Variants in PDK1 observed in about 807,000 individuals in gnomAD.
PDK1 encodes [Pyruvate dehydrogenase (acetyl-transferring)] kinase isozyme 1, mitochondrial.
PDK1 carries 39 observed loss-of-function variants against 54.2 expected under a neutral mutation model. The observed-to-expected ratio is 0.72, with a 90% CI of 0.56 to 0.94. The LOEUF is 0.94. PDK1 is among the 40% of genes least tolerant of loss of function. The pLI is 0.00. For synonymous variants in PDK1, 221 were observed against 207.1 expected (o/e 1.07, Z -0.58); for missense variants, 552 against 566.0 (o/e 0.98, Z 0.25).
intron 7 of PDK1, chr2:172,570,502 A>G (rs1689186407): frequency 7.7e-6 from 3 of 392,078 alleles, no homozygotes. Context: ...CTGACTTTGG[A>G]AAATAAGCAA....
chr2:172,666,251 G>A, the PDK1 span, among the ~76,000 whole-genome samples: 1 of 152,142 alleles, frequency 6.6e-6, no homozygotes, highest in Non-Finnish European at 1.5e-5. Flanking sequence ...TCAGTTGTAC[G>A]TTAAAAGGCT....
the PDK1 span, among the ~76,000 whole-genome samples, chr2:172,615,871 A>G: frequency 6.6e-6 from 1 of 152,242 alleles, no homozygotes; most frequent in Non-Finnish European, 1.5e-5. Context: ...TAGCAAGTCC[A>G]TATCCTAAGT....
chr2:172,609,671 C>CA (rs1362500630), downstream of PDK1, among the ~76,000 whole-genome samples: 2 of 152,192 alleles, frequency 1.3e-5, no homozygotes, highest in African/African-American at 4.8e-5. Flanking sequence ...CTTAAGTGTA[C>CA]ATCATCATTA....
chr2:172,617,244 C>T, the PDK1 span, among the ~76,000 whole-genome samples: 11 of 152,082 alleles, frequency 7.2e-5, no homozygotes, highest in African/African-American at 2.2e-4. Context: ...TGAGCCACCA[C>T]GCCTGGCCAG....
the PDK1 span, among the ~76,000 whole-genome samples, chr2:172,690,768 G>T: frequency 6.8e-6 from 1 of 147,400 alleles, no homozygotes; most frequent in Non-Finnish European, 1.5e-5. Flanking sequence ...ACCAAACAGT[G>T]CATGTTCTCA....
At chr2:172,584,566 A>G (rs776381302) in intron 8 of PDK1, among the ~76,000 whole-genome samples, 3 of 150,664 alleles carry the variant, frequency 2.0e-5, no homozygotes, top group Non-Finnish European at 2.9e-5. Context: ...GGATGTTCTC[A>G]TATATACTTT....
chr2:172,704,603 C>A, the PDK1 span, among the ~76,000 whole-genome samples: 380 of 152,282 alleles, frequency 2.5e-3, 1 homozygote, highest in Non-Finnish European at 4.5e-3. Flanking sequence ...CTTGAGCCCA[C>A]ATCCAAAGCA....
chr2:172,569,745 ACT>A (rs1412713357), intron 7 of PDK1, among the ~76,000 whole-genome samples: 1 of 152,150 alleles, frequency 6.6e-6, no homozygotes, highest in Non-Finnish European at 1.5e-5. Context: ...TTGAGGTCTC[ACT>A]CTGTTACCCA....
chr2:172,720,694 C>T, the PDK1 span, among the ~76,000 whole-genome samples: 1 of 152,134 alleles, frequency 6.6e-6, no homozygotes, highest in Non-Finnish European at 1.5e-5. Context: ...CAGGACTGTT[C>T]CTTGCTCTTC....
intron 8 of PDK1, among the ~76,000 whole-genome samples, chr2:172,585,881 T>A (rs150538947): frequency 6.2e-4 from 94 of 152,210 alleles, no homozygotes; most frequent in African/African-American, 2.0e-3. Flanking sequence ...AAAGCAGCAC[T>A]CAGGCTGGGT....
At chr2:172,704,279 A>G in the PDK1 span, among the ~76,000 whole-genome samples, 1 of 152,090 alleles carries the variant, frequency 6.6e-6, no homozygotes, top group African/African-American at 2.4e-5. Flanking sequence ...TCCTTCCCAC[A>G]GGGCTCCCAG....
At chr2:172,570,899 C>A in intron 8 of PDK1, 75 bp downstream of exon 8, 1 of 792,510 alleles carries the variant, frequency 1.3e-6, no homozygotes, top group Admixed American at 2.4e-5. Flanking sequence ...GGTAACCATA[C>A]GCATAATTTC....
At chr2:172,703,593 A>G in the PDK1 span, among the ~76,000 whole-genome samples, 1 of 152,150 alleles carries the variant, frequency 6.6e-6, no homozygotes, top group Non-Finnish European at 1.5e-5. Flanking sequence ...AAAAAATCAA[A>G]GAAAATATGG....
At chr2:172,689,405 G>A in the PDK1 span, among the ~76,000 whole-genome samples, 2 of 152,262 alleles carry the variant, frequency 1.3e-5, no homozygotes, top group Admixed American at 6.5e-5. Context: ...ACTCAATATC[G>A]TGAAAATGGC....
chr2:172,663,397 A>C, the PDK1 span, among the ~76,000 whole-genome samples: 1 of 152,194 alleles, frequency 6.6e-6, no homozygotes, highest in African/African-American at 2.4e-5. Flanking sequence ...AATTTAGCCC[A>C]CACAGTTGTG....
In PDK1 at chr2:172,603,154, G is replaced by C. The variant is rs1691171164; in HGVS notation, c.*7185G>C. The C allele has an allele frequency of 6.6e-6, 1 of 152,196 alleles. No homozygotes were observed. The highest frequency in any genetic ancestry group is 1.5e-5 in the Non-Finnish European group (1 of 68,042). 9.4% of individuals were successfully genotyped at this position (152,196 alleles called of 1,614,324 possible). A position where few individuals can be genotyped will look rare whatever the true frequency, so the allele number is the denominator to read the frequency against. On this transcript the variant is annotated 3_prime_UTR_variant, in exon 11 of 11. Coordinates refer to ENST00000282077, the MANE Select transcript of PDK1 (RefSeq NM_002610.5). ...TGCTGGTCTGTGAGCCATACTTTGA[G>C]TAGCAAAGGACTAAAGGTTGTGAGA...
At chr2:172,633,219 A>T in the PDK1 span, among the ~76,000 whole-genome samples, 883 of 91,142 alleles carry the variant, frequency 9.7e-3, 7 homozygotes, top group Non-Finnish European at 0.015. Context: ...ATTAAAAAAA[A>T]TTTTTTTTTT....
the PDK1 span, among the ~76,000 whole-genome samples, chr2:172,618,334 A>C: frequency 6.6e-6 from 1 of 152,224 alleles, no homozygotes. Context: ...AAAAATGCTA[A>C]AGACAAAAAC....
At chr2:172,679,505 A>G in the PDK1 span, among the ~76,000 whole-genome samples, 2 of 152,224 alleles carry the variant, frequency 1.3e-5, no homozygotes, top group Non-Finnish European at 2.9e-5. Context: ...TTGAGCAACA[A>G]GATGAAGTCA....
Sources: gnomAD v4.1 joint callset for allele counts (sites outside exome capture counted in the v4.1 genomes callset) on GRCh38, gnomAD v4.1.1 for gene constraint, MANE v1.5 for transcripts, NCBI Gene and HGNC (gene_info 2026-07-23, HGNC 2026-07-21) for gene names.